The following AFF1 variants were observed in gnomAD, a reference collection of about 807,000 sequenced individuals.
The protein encoded by AFF1 is ALF transcription elongation factor 1.
A neutral mutation model predicts 121.7 loss-of-function variants in AFF1; 48 were observed. The observed-to-expected ratio is 0.39, with a 90% CI of 0.31 to 0.50. AFF1 has a LOEUF of 0.50. AFF1 is among the 20% of genes least tolerant of loss of function. The pLI is 0.76. For missense variants in AFF1, 1,523 were observed against 1,511.7 expected (o/e 1.01, Z -0.12); for synonymous variants, 613 against 563.0 (o/e 1.09, Z -1.26).
chr4:87,120,669 G>T (rs1254504145), intron 12 of AFF1, among the ~76,000 whole-genome samples: 2 of 152,206 alleles, frequency 1.3e-5, no homozygotes, highest in Admixed American at 1.3e-4. Context: ...TACCGCGTCA[G>T]CCCCGGCTTG....
intron 4 of AFF1, among the ~76,000 whole-genome samples, chr4:87,063,180 G>A (rs546628982): frequency 1.4e-5 from 2 of 143,406 alleles, no homozygotes; most frequent in South Asian, 4.5e-4. Flanking sequence ...CATAATTATA[G>A]CAGTTATTTT....
chr4:87,052,176 G>C (rs1476357735), intron 4 of AFF1, among the ~76,000 whole-genome samples: 1 of 152,206 alleles, frequency 6.6e-6, no homozygotes, highest in African/African-American at 2.4e-5. Flanking sequence ...GGGAGGCCGA[G>C]GTGGGAGGAT....
At chr4:86,964,128 GT>G (rs571643813) in intron 2 of AFF1, among the ~76,000 whole-genome samples, 108 of 132,014 alleles carry the variant, frequency 8.2e-4, no homozygotes, top group East Asian at 3.1e-3. Context: ...TGTTCTTTTG[GT>G]TTTTTTTTTT....
Position 87,134,688 on chromosome 4 carries a change from A to G in AFF1, c.3529A>G (p.Asn1177Asp). 1 of 1,610,420 alleles carries G rather than the reference A, an allele frequency of 6.2e-7. No homozygotes were observed. Among genetic ancestry groups the G allele is most frequent in the Non-Finnish European group, 8.5e-7 (1 of 1,177,238 alleles). ...ACAGGCCGAGGCCCTCACGAGGAAG[A>G]ATAAAGGTAAATAAATGGCTTTGTG... ...WEQAEALTRK[N>D]KEFFARLSTN... is the part of the protein sequence containing the mutation. The change falls in exon 20 of 21, where the codon AAT (asparagine) becomes GAT (aspartate). Residue 1177 changes from asparagine to aspartate, a missense_variant. Physicochemically the swap from Asn to Asp is conservative, Grantham distance 23 (BLOSUM62 1). Around this residue, in one of 5 missense-constraint regions of AFF1, gnomAD observed 241 missense variants for 265.2 expected, o/e 0.91. Coordinates refer to ENST00000395146, the MANE Select transcript of AFF1 (RefSeq NM_001166693.3).
At chr4:87,103,303 C>T (rs1202626516) in intron 8 of AFF1, among the ~76,000 whole-genome samples, 2 of 152,164 alleles carry the variant, frequency 1.3e-5, no homozygotes, top group Admixed American at 1.3e-4. Flanking sequence ...TTGGCTGTGC[C>T]AGCAGACACT....
intron 4 of AFF1, among the ~76,000 whole-genome samples, chr4:87,051,186 TGTA>T (rs1731222484): frequency 6.6e-6 from 1 of 152,320 alleles, no homozygotes; most frequent in South Asian, 2.1e-4. Context: ...TGCAAAAAGT[TGTA>T]GTTAATATCA....
intron 2 of AFF1, among the ~76,000 whole-genome samples, chr4:86,989,984 C>G (rs1440741077): frequency 6.6e-6 from 1 of 152,032 alleles, no homozygotes; most frequent in African/African-American, 2.4e-5. Flanking sequence ...AGTGAGAACA[C>G]ATGGACACAG....
At chr4:87,056,392 C>A (rs1204786525) in intron 4 of AFF1, among the ~76,000 whole-genome samples, 1 of 152,090 alleles carries the variant, frequency 6.6e-6, no homozygotes, top group Non-Finnish European at 1.5e-5. Context: ...CTTAACAACC[C>A]CACACTATAT....
chr4:86,966,651 C>G (rs1016371363), intron 2 of AFF1, among the ~76,000 whole-genome samples: 2 of 151,790 alleles, frequency 1.3e-5, no homozygotes, highest in Non-Finnish European at 2.9e-5. Context: ...TTAAGAGTTA[C>G]TTGGCTCAGT....
At chr4:87,000,756 T>C (rs966976403) in intron 2 of AFF1, among the ~76,000 whole-genome samples, 13 of 152,022 alleles carry the variant, frequency 8.6e-5, no homozygotes, top group African/African-American at 2.9e-4. Flanking sequence ...GGGCATGTTT[T>C]ATTAATGCAC....
At chr4:86,981,435 G>A (rs1408095065) in intron 2 of AFF1, among the ~76,000 whole-genome samples, 1 of 151,752 alleles carries the variant, frequency 6.6e-6, no homozygotes, top group Non-Finnish European at 1.5e-5. Context: ...TGGTGTGATC[G>A]CGGCTCACTG....
At chr4:87,026,817 G>C (rs1728577688) in intron 2 of AFF1, among the ~76,000 whole-genome samples, 1 of 152,078 alleles carries the variant, frequency 6.6e-6, no homozygotes, top group African/African-American at 2.4e-5. Flanking sequence ...TCTAAAATCT[G>C]GTTCTCTCGT....
intron 2 of AFF1, chr4:87,007,571 T>A: frequency 2.7e-6 from 3 of 1,107,718 alleles, no homozygotes; most frequent in Non-Finnish European, 2.6e-6. Context: ...GTGGCTTGAC[T>A]AAATGTCAGA....
At chr4:87,076,967 C>T (rs1277831379) in intron 4 of AFF1, among the ~76,000 whole-genome samples, 1 of 152,172 alleles carries the variant, frequency 6.6e-6, no homozygotes, top group East Asian at 1.9e-4. Flanking sequence ...GTCTCCTCCT[C>T]TAATCTGTCT....
At chr4:86,941,741 G>A (rs1378466462) in intron 1 of AFF1, among the ~76,000 whole-genome samples, 1 of 152,174 alleles carries the variant, frequency 6.6e-6, no homozygotes, top group African/African-American at 2.4e-5. Flanking sequence ...GGAGACTGAG[G>A]TGGGAAGATT....
At chr4:86,978,048 A>G (rs949917629) in intron 2 of AFF1, among the ~76,000 whole-genome samples, 1 of 152,010 alleles carries the variant, frequency 6.6e-6, no homozygotes, top group Admixed American at 6.6e-5. Context: ...GAAATAAGCT[A>G]TGATGTGGTT....
intron 2 of AFF1, among the ~76,000 whole-genome samples, chr4:86,986,481 A>T (rs1724287644): frequency 6.6e-6 from 1 of 152,196 alleles, no homozygotes; most frequent in African/African-American, 2.4e-5. Flanking sequence ...TCTTTCCAAA[A>T]ATTTAGACAG....
At chr4:87,009,798 C>G (rs1171565328) in intron 2 of AFF1, among the ~76,000 whole-genome samples, 1 of 152,132 alleles carries the variant, frequency 6.6e-6, no homozygotes, top group Non-Finnish European at 1.5e-5. Flanking sequence ...TAAGAGAAAC[C>G]AAAACATCAC....
At chr4:86,966,382 A>G (rs1722543279) in intron 2 of AFF1, among the ~76,000 whole-genome samples, 1 of 152,092 alleles carries the variant, frequency 6.6e-6, no homozygotes, top group Non-Finnish European at 1.5e-5. Context: ...CTTGCTTGAT[A>G]AAAGTTGGCA....
Sources: gnomAD v4.1 joint callset for allele counts (sites outside exome capture counted in the v4.1 genomes callset) on GRCh38, gnomAD v4.1.1 for gene constraint, gnomAD v4.1.1 regional missense constraint, MANE v1.5 for transcripts, NCBI Gene and HGNC (gene_info 2026-07-23, HGNC 2026-07-21) for gene names.